The following JAM3 variants were observed in gnomAD, a reference collection of about 807,000 sequenced individuals.
JAM3 encodes junctional adhesion molecule 3.
A neutral mutation model predicts 39.4 loss-of-function variants in JAM3; 31 were observed. That is an observed-to-expected ratio of 0.79 (90% CI 0.59 to 1.06). The LOEUF is 1.06. Ranked by LOEUF, JAM3 falls within the 50% of genes least tolerant of loss-of-function variation. JAM3 has a pLI of 0.00. For synonymous variants in JAM3, 182 were observed against 148.7 expected (o/e 1.22, Z -1.63); for missense variants, 455 against 391.4 (o/e 1.16, Z -1.37).
At chr11:134,084,187 A>G (rs977568890) in intron 1 of JAM3, among the ~76,000 whole-genome samples, 3 of 152,150 alleles carry the variant, frequency 2.0e-5, no homozygotes, top group African/African-American at 7.2e-5. Flanking sequence ...AATGCAGGTC[A>G]TGATCTTGTC....
intron 1 of JAM3, among the ~76,000 whole-genome samples, chr11:134,069,499 GC>G (rs1941452546): frequency 6.7e-6 from 1 of 148,802 alleles, no homozygotes; most frequent in South Asian, 2.2e-4. Flanking sequence ...TGGGCGGTGG[GC>G]TCATCCCCCG....
rs138314437 is a variant in JAM3, at chr11:134,144,833, C to A, written c.451C>A (p.Pro151Thr). The A allele has an allele frequency of 1.3e-4, 210 of 1,614,192 alleles. No homozygotes were observed. The highest frequency in any genetic ancestry group is 1.7e-4 in the Non-Finnish European group (199 of 1,180,036). ...TGTCTGTAGAGTGCCGAAGGCTGTA[C>A]CAGTAGGCAAGATGGCAACACTGCA... ...TPVCRVPKAV[P>T]VGKMATLHCQ... Residue 151 changes from proline to threonine, a missense_variant, in exon 5 of 9, where the codon CCA (proline) becomes ACA (threonine). Coordinates refer to ENST00000299106, the MANE Select transcript of JAM3 (RefSeq NM_032801.5).
At chr11:134,097,710 A>T (rs1565487579) in intron 1 of JAM3, among the ~76,000 whole-genome samples, 1 of 152,142 alleles carries the variant, frequency 6.6e-6, no homozygotes, top group Non-Finnish European at 1.5e-5. Context: ...TTCTGACCAA[A>T]TAATGTTTAC....
intron 1 of JAM3, among the ~76,000 whole-genome samples, chr11:134,094,037 C>A (rs1291810652): frequency 8.4e-6 from 1 of 118,824 alleles, no homozygotes; most frequent in Non-Finnish European, 1.8e-5. Context: ...CATGTCACTT[C>A]CTGAGGGAAG....
At position 134,151,145 on chromosome 11, in the gene JAM3, TTGTC is replaced by T. The variant is rs1371733590; in HGVS notation, c.*1966_*1969del. 6.6e-6 allele frequency: 1 copy of T among 152,316 alleles called. No homozygotes were observed. Among genetic ancestry groups the T allele is most frequent in the African/African-American group, 2.4e-5 (1 of 41,474 alleles). The allele number at this position is 152,316 out of a possible 1,614,324, so 9.4% of individuals were successfully genotyped here. On this transcript the variant is annotated 3_prime_UTR_variant, in exon 9 of 9. Coordinates refer to ENST00000299106, the MANE Select transcript of JAM3 (RefSeq NM_032801.5). ...TGGAGAATGGCTCTCACTACTCACCTTGTCTTTCAGCTTCCAGTGTCTTGGGTTT... is the reference window on the plus strand; with the variant it reads ...TGGAGAATGGCTCTCACTACTCACCTTTTCAGCTTCCAGTGTCTTGGGTTT...
intron 1 of JAM3, among the ~76,000 whole-genome samples, chr11:134,125,171 G>A (rs1203809284): frequency 1.3e-5 from 2 of 152,158 alleles, no homozygotes; most frequent in South Asian, 2.1e-4. Flanking sequence ...CCGGCCGATC[G>A]TGCCGCCGCC....
At chr11:134,104,801 C>G (rs975921110) in intron 1 of JAM3, among the ~76,000 whole-genome samples, 1 of 152,088 alleles carries the variant, frequency 6.6e-6, no homozygotes, top group Non-Finnish European at 1.5e-5. Context: ...CAAGACTAAA[C>G]TAGGAAGAAG....
At chr11:134,147,099 C>T (rs1165372604) in intron 6 of JAM3, among the ~76,000 whole-genome samples, 3 of 152,130 alleles carry the variant, frequency 2.0e-5, no homozygotes, top group Non-Finnish European at 4.4e-5. Flanking sequence ...TGCAGTTTTG[C>T]CCCAGACCTA....
intron 1 of JAM3, among the ~76,000 whole-genome samples, chr11:134,108,693 A>G (rs1942250190): frequency 6.6e-6 from 1 of 152,226 alleles, no homozygotes. Context: ...CAATATCACC[A>G]TATTACATTC....
chr11:134,075,750 C>T (rs1941557324), intron 1 of JAM3, among the ~76,000 whole-genome samples: 1 of 152,118 alleles, frequency 6.6e-6, no homozygotes, highest in African/African-American at 2.4e-5. Flanking sequence ...AGTTATTCTA[C>T]TTGTTATATG....
intron 1 of JAM3, among the ~76,000 whole-genome samples, chr11:134,125,371 A>G (rs896935917): frequency 2.6e-5 from 4 of 152,212 alleles, no homozygotes; most frequent in African/African-American, 4.8e-5. Flanking sequence ...TACTCAAACA[A>G]TGGGATCTCC....
intron 1 of JAM3, among the ~76,000 whole-genome samples, chr11:134,139,040 T>C (rs28373815): frequency 0.025 from 3,840 of 152,244 alleles, 169 homozygotes; most frequent in African/African-American, 0.088. Context: ...GGGGATGGCA[T>C]GTTTTATTAG....
chr11:134,075,153 T>G (rs1473107789), intron 1 of JAM3, among the ~76,000 whole-genome samples: 1 of 152,130 alleles, frequency 6.6e-6, no homozygotes, highest in Non-Finnish European at 1.5e-5. Context: ...GATAATGTCT[T>G]CCCTTTACCA....
intron 1 of JAM3, among the ~76,000 whole-genome samples, chr11:134,106,895 T>C (rs1347684541): frequency 6.6e-6 from 1 of 152,178 alleles, no homozygotes; most frequent in African/African-American, 2.4e-5. Flanking sequence ...GACTGTAAAC[T>C]AGTTCAACCG....
rs199642935 is a variant in JAM3, at chr11:134,107,240, C to G, written c.77-32611C>G. ...AGCAAACTATCGCAAGGACAAAAAA[C>G]CAAACACCGCATGTTGTCACTCATA... On this transcript the variant is annotated intron_variant, in intron 1 of 8. Transcript: ENST00000299106. 4.7e-4 allele frequency among the ~76,000 whole-genome samples: 71 copies of G among 152,198 alleles called. 1 individual carries two copies. The East Asian group carries it at 0.012, about 26-fold the overall frequency.
intron 1 of JAM3, among the ~76,000 whole-genome samples, chr11:134,138,640 G>A (rs1942917582): frequency 6.6e-6 from 1 of 152,240 alleles, no homozygotes; most frequent in Non-Finnish European, 1.5e-5. Context: ...TGCATGGTAT[G>A]TATTTCTGGC....
chr11:134,101,997 G>A (rs1273171989), intron 1 of JAM3, among the ~76,000 whole-genome samples: 2 of 152,102 alleles, frequency 1.3e-5, no homozygotes, highest in African/African-American at 4.8e-5. Flanking sequence ...GAGGCTACAG[G>A]GAGTTGTGAT....
intron 1 of JAM3, among the ~76,000 whole-genome samples, chr11:134,090,219 G>A (rs1270731407): frequency 1.3e-5 from 2 of 152,222 alleles, no homozygotes; most frequent in Non-Finnish European, 2.9e-5. Flanking sequence ...TTTGTCAGAT[G>A]AGTAGATTGC....
At chr11:134,125,104 G>T (rs1483071074) in intron 1 of JAM3, among the ~76,000 whole-genome samples, 3 of 152,172 alleles carry the variant, frequency 2.0e-5, no homozygotes, top group Non-Finnish European at 4.4e-5. Context: ...GCCTCCCGAG[G>T]TGCACGGCCG....
Sources: allele counts gnomAD v4.1 joint callset (sites outside exome capture counted in the v4.1 genomes callset), GRCh38; gene constraint gnomAD v4.1.1; transcripts MANE v1.5; gene names NCBI Gene and HGNC (gene_info 2026-07-23, HGNC 2026-07-21).